MYLK: variants seen among roughly 807,000 people sequenced by gnomAD.
MYLK encodes myosin light chain kinase, smooth muscle.
Under a neutral mutation model 203.4 loss-of-function variants are expected in MYLK, and 106 were observed. The ratio of observed to expected loss-of-function variants is 0.52; its 90% confidence interval spans 0.45 to 0.61. The LOEUF (loss-of-function observed/expected upper bound fraction) is 0.61, where lower values mean the gene tolerates loss of function less well. Among genes scored for constraint, MYLK ranks in the 20% least tolerant of loss-of-function variants. The probability of loss-of-function intolerance (pLI) is 0.00; values close to 1 mark genes in which losing one functional copy is unlikely to be tolerated. For missense variants in MYLK, 2,072 were observed against 2,442.3 expected (o/e 0.85, Z 3.20); for synonymous variants, 867 against 959.5 (o/e 0.90, Z 1.78).
At chr3:123,652,891 A>T (rs1476431251) in intron 24 of MYLK, among the ~76,000 whole-genome samples, 2 of 152,112 alleles carry the variant, frequency 1.3e-5, no homozygotes, top group Non-Finnish European at 2.9e-5. Context: ...GCTCTGGCAT[A>T]GAGAAGCCAC....
At chr3:123,734,483 G>A (rs2062606309) in intron 9 of MYLK, 1 of 396,338 alleles carries the variant, frequency 2.5e-6, no homozygotes, top group Non-Finnish European at 4.5e-6. Context: ...TTCTCTACTA[G>A]TGCCTCCGTA....
intron 24 of MYLK, among the ~76,000 whole-genome samples, chr3:123,652,728 A>G (rs970515615): frequency 1.2e-4 from 18 of 152,208 alleles, no homozygotes; most frequent in African/African-American, 4.3e-4. Flanking sequence ...AGGAGCAGGG[A>G]TGGAGTGGAT....
intron 28 of MYLK, among the ~76,000 whole-genome samples, chr3:123,639,394 T>A (rs1201726927): frequency 6.6e-6 from 1 of 152,190 alleles, no homozygotes; most frequent in African/African-American, 2.4e-5. Flanking sequence ...TGGGAGACAT[T>A]TATTGGGTGG....
chr3:123,800,557 T>C (rs963362169), intron 3 of MYLK, among the ~76,000 whole-genome samples: 12 of 152,166 alleles, frequency 7.9e-5, no homozygotes, highest in Middle Eastern at 3.2e-3. Flanking sequence ...CTTTGCCTCG[T>C]TGGTCCAGAG....
At chr3:123,856,590 A>G (rs1212539158) in intron 2 of MYLK, among the ~76,000 whole-genome samples, 2 of 152,128 alleles carry the variant, frequency 1.3e-5, no homozygotes, top group African/African-American at 4.8e-5. Flanking sequence ...CCTAATCTTC[A>G]CATCAGCTAC....
At chr3:123,702,675 G>C (rs1333626467) in intron 16 of MYLK, among the ~76,000 whole-genome samples, 4 of 152,160 alleles carry the variant, frequency 2.6e-5, no homozygotes, top group African/African-American at 9.7e-5. Context: ...TTTTTATAAG[G>C]TAAGAAATAT....
intron 5 of MYLK, among the ~76,000 whole-genome samples, chr3:123,751,147 C>T (rs1022379522): frequency 6.6e-6 from 1 of 152,194 alleles, no homozygotes; most frequent in Non-Finnish European, 1.5e-5. Context: ...TTATAAACTT[C>T]CAGTCTTAGA....
rs180979352 is a variant in MYLK at position 123,640,814 on chromosome 3, G to A, written c.4620-310C>T. On this transcript the variant is annotated intron_variant, in intron 27 of 33. Transcript: ENST00000360304. The surrounding 1 kb of genome is among the most constrained non-coding windows in gnomAD (Gnocchi z 4.3). Reference sequence around the variant, plus strand: ...ACATGATCTTCTTAGCAAAAAGAGTGACCTCTAAACAGTCTCTTTCCCTCA... The same window carrying A: ...ACATGATCTTCTTAGCAAAAAGAGTAACCTCTAAACAGTCTCTTTCCCTCA... 2.6e-5 allele frequency among the ~76,000 whole-genome samples: 4 copies of A among 152,302 alleles called. No individual in the cohort carries two copies. The highest frequency in any genetic ancestry group is 6.5e-5 in the Admixed American group (1 of 15,294).
At chr3:123,649,299 G>A in intron 24 of MYLK, 105 bp from the exon 25 acceptor site, 3 of 1,445,008 alleles carry the variant, frequency 2.1e-6, no homozygotes, top group Middle Eastern at 2.4e-4. Context: ...AGCCTCCCCA[G>A]GCAGACGACT....
At chr3:123,660,755 C>T (rs1649493693) in intron 23 of MYLK, among the ~76,000 whole-genome samples, 6 of 152,192 alleles carry the variant, frequency 3.9e-5, no homozygotes, top group Admixed American at 2.0e-4. Context: ...TTTAGCTGGT[C>T]TGTAAATGCA....
intron 20 of MYLK, among the ~76,000 whole-genome samples, chr3:123,679,310 A>C (rs2060181311): frequency 6.6e-6 from 1 of 151,554 alleles, no homozygotes; most frequent in Admixed American, 6.6e-5. Context: ...TGTCTCAAAA[A>C]AAAAAAAAAA....
chr3:123,862,168 T>C (rs1426173306), intron 2 of MYLK, among the ~76,000 whole-genome samples: 1 of 152,246 alleles, frequency 6.6e-6, no homozygotes, highest in African/African-American at 2.4e-5. Flanking sequence ...GCTCAGCTCA[T>C]GGTCCTAGCT....
intron 2 of MYLK, among the ~76,000 whole-genome samples, chr3:123,855,898 C>A (rs1246476774): frequency 6.6e-6 from 1 of 152,126 alleles, no homozygotes; most frequent in Admixed American, 6.6e-5. Context: ...ATCAAGCCAC[C>A]TAGAGCAGAG....
At chr3:123,711,126 T>G (rs2061675301) in intron 13 of MYLK, among the ~76,000 whole-genome samples, 1 of 150,548 alleles carries the variant, frequency 6.6e-6, no homozygotes, top group Non-Finnish European at 1.5e-5. Flanking sequence ...AGAGAGTGCA[T>G]GTTGGATGAC....
chr3:123,637,580 T>G (rs966140215), intron 29 of MYLK, among the ~76,000 whole-genome samples: 1 of 152,212 alleles, frequency 6.6e-6, no homozygotes, highest in African/African-American at 2.4e-5. Flanking sequence ...TCATCAATAG[T>G]GTTTATTAAT....
intron 4 of MYLK, among the ~76,000 whole-genome samples, chr3:123,762,661 C>A (rs750292236): frequency 1.3e-5 from 2 of 152,188 alleles, no homozygotes; most frequent in Non-Finnish European, 2.9e-5. Context: ...GTGTGGCTCA[C>A]GAGGGCAGAG....
chr3:123,877,509 G>C (rs947302528), intron 1 of MYLK, among the ~76,000 whole-genome samples: 2 of 152,188 alleles, frequency 1.3e-5, no homozygotes, highest in Admixed American at 6.5e-5. Flanking sequence ...AGGCCCACAG[G>C]GGAGGAGCTG....
Position 123,878,975 on chromosome 3 carries a change from G to A in MYLK, c.-185-2358C>T, listed in dbSNP as rs573429002. On this transcript the variant is annotated intron_variant, in intron 1 of 33. Transcript: ENST00000360304. Reference sequence around the variant, plus strand: ...TGCTGGGATTACAAGCGTGAACCACGGTGCCCAGCCACCACTTGGCATCTT... The same window carrying A: ...TGCTGGGATTACAAGCGTGAACCACAGTGCCCAGCCACCACTTGGCATCTT... Among the ~76,000 whole-genome samples the A allele has an allele frequency of 6.6e-5, 10 of 152,234 alleles. No individual in the cohort carries two copies. In the East Asian group the frequency reaches 7.7e-4, roughly 12 times the overall value.
intron 24 of MYLK, among the ~76,000 whole-genome samples, chr3:123,656,384 AC>A (rs1296859709): frequency 6.6e-6 from 1 of 152,148 alleles, no homozygotes; most frequent in Non-Finnish European, 1.5e-5. Context: ...TCACAACTTT[AC>A]CTAAAATGCC....
Sources: allele counts gnomAD v4.1 joint callset (sites outside exome capture counted in the v4.1 genomes callset), GRCh38; gene constraint gnomAD v4.1.1; non-coding constraint Gnocchi (gnomAD v3.1); transcripts MANE v1.5; gene names NCBI Gene and HGNC (gene_info 2026-07-23, HGNC 2026-07-21).